MYO9B: variants seen among roughly 807,000 people sequenced by gnomAD.
MYO9B encodes the protein unconventional myosin-IXb.
A neutral mutation model predicts 229.5 loss-of-function variants in MYO9B; 71 were observed. The ratio of observed to expected loss-of-function variants is 0.31; its 90% CI spans 0.26 to 0.38. MYO9B has a LOEUF of 0.38. Among genes scored for constraint, MYO9B ranks in the 10% least tolerant of loss-of-function variants. MYO9B has a pLI of 1.00. For missense variants in MYO9B, 2,255 were observed against 2,920.5 expected, an observed-to-expected ratio of 0.77 and a Z score of 5.25; for synonymous variants, 1,185 against 1,235.8, an observed-to-expected ratio of 0.96 and a Z score of 0.86.
chr19:17,208,861 A>C (rs908193244), intron 35 of MYO9B, among the ~76,000 whole-genome samples: 3 of 151,600 alleles, frequency 2.0e-5, no homozygotes, highest in Non-Finnish European at 2.9e-5. Flanking sequence ...TGACCACTCC[A>C]GACTGAGTCC....
At chr19:17,124,494 G>A (rs1019516479) in intron 2 of MYO9B, among the ~76,000 whole-genome samples, 1 of 152,100 alleles carries the variant, frequency 6.6e-6, no homozygotes, top group Admixed American at 6.6e-5. Flanking sequence ...AAACACAGCT[G>A]GGCGTGGGGG....
At chr19:17,210,047 T>C (rs549141306) in intron 36 of MYO9B, among the ~76,000 whole-genome samples, 1 of 152,266 alleles carries the variant, frequency 6.6e-6, no homozygotes, top group East Asian at 1.9e-4. Context: ...ACTCCAATTA[T>C]GTTCCTCTAG....
At chr19:17,163,934 T>C (rs1224850728) in intron 10 of MYO9B, among the ~76,000 whole-genome samples, 2 of 152,234 alleles carry the variant, frequency 1.3e-5, no homozygotes, top group African/African-American at 4.8e-5. Flanking sequence ...AATGCTTCTT[T>C]GAACATGGGT....
In MYO9B at chr19:17,172,130, G is replaced by A. The variant is rs1324896662; in HGVS notation, c.1794-206G>A. 6.6e-6 allele frequency among the ~76,000 whole-genome samples: 1 copy of A among 151,818 alleles called. No homozygotes were observed. The highest frequency in any genetic ancestry group is 1.9e-4 in the East Asian group (1 of 5,168). ...GTCCCAGCCCTCTGCCAGCATGTTC[G>A]GCATGAGGCAGGCAGGCGCACTGTC... On this transcript the variant is annotated intron_variant, in intron 11 of 39. Transcript: ENST00000682292. The surrounding 1 kb of genome is among the most constrained non-coding windows in gnomAD (Gnocchi z 8.2).
At chr19:17,183,577 C>A (rs1394843197) in intron 15 of MYO9B, among the ~76,000 whole-genome samples, 1 of 152,212 alleles carries the variant, frequency 6.6e-6, no homozygotes, top group Non-Finnish European at 1.5e-5. Context: ...CTTTACTCAG[C>A]TTTGGGGCAG....
rs1273406367 is a variant in MYO9B, at chr19:17,200,476, T to G, written c.4372+50T>G. ...CAGACAGTAGAGCCACCAGTGCCCC[T>G]GGGGACATTCACTGTCCCCAAACGG... On this transcript the variant is annotated intron_variant, in intron 25 of 39. Transcript: ENST00000682292. 6 of 1,537,032 alleles carry G rather than the reference T, an allele frequency of 3.9e-6. No individual in the cohort carries two copies. The Admixed American group carries it at 1.1e-4, about 27-fold the overall frequency.
At chr19:17,158,581 C>A (rs1343527890) in intron 7 of MYO9B, among the ~76,000 whole-genome samples, 2 of 150,350 alleles carry the variant, frequency 1.3e-5, no homozygotes, top group East Asian at 2.0e-4. Context: ...AGCAACAGAG[C>A]AAGACTCCAT....
chr19:17,210,978 T>C (rs2073221402), intron 38 of MYO9B, 130 bp downstream of exon 38: 10 of 102,694 alleles, frequency 9.7e-5, no homozygotes, highest in South Asian at 2.0e-4. Context: ...CAAACAACAC[T>C]TTTTTTTTTT....
At position 17,202,809 on chromosome 19, in the gene MYO9B, C is replaced by G. The variant is rs557232784; in HGVS notation, c.4837-33C>G. 37 of 1,566,322 alleles carry G rather than the reference C, an allele frequency of 2.4e-5. 2 individuals are homozygous for G. Among genetic ancestry groups the G allele is most frequent in the South Asian group, 2.2e-4 (19 of 85,366 alleles). On this transcript the variant is annotated intron_variant, in intron 28 of 39. Transcript: ENST00000682292. The stretch of plus-strand genomic sequence containing the variant: ...TGGGTTGGGGCTCTTCCCAGGGGGG[C>G]CCCCGCCAACCTCCTCCTTGTGTTC...
chr19:17,142,936 G>C (rs937689928), intron 2 of MYO9B, among the ~76,000 whole-genome samples: 1 of 152,136 alleles, frequency 6.6e-6, no homozygotes, highest in Non-Finnish European at 1.5e-5. Context: ...TTTAATGTCA[G>C]AGACTTAAAA....
chr19:17,096,705 GGTT>G (rs1428132474), intron 1 of MYO9B, among the ~76,000 whole-genome samples: 2 of 24,432 alleles, frequency 8.2e-5, no homozygotes, highest in Non-Finnish European at 1.5e-4. Context: ...TGTTGTTGTT[GGTT>G]TTTTTTTTTT....
At chr19:17,076,632 C>G (rs550001175) in intron 1 of MYO9B, among the ~76,000 whole-genome samples, 1 of 152,170 alleles carries the variant, frequency 6.6e-6, no homozygotes, top group East Asian at 1.9e-4. Context: ...TCACACTTAA[C>G]AGCTGGGTGA....
chr19:17,205,432 T>C (rs970118760), intron 31 of MYO9B, 96 bp downstream of exon 31: 16 of 1,236,796 alleles, frequency 1.3e-5, no homozygotes, highest in Admixed American at 7.2e-5. Context: ...AAGCGAAGCA[T>C]TGAGCAGCCA....
chr19:17,143,102 G>A (rs532832014), intron 2 of MYO9B, among the ~76,000 whole-genome samples: 1 of 152,042 alleles, frequency 6.6e-6, no homozygotes, highest in East Asian at 1.9e-4. Context: ...AGCCAGGCGT[G>A]GTGGTGCACA....
rs185186753 is a variant in MYO9B at position 17,140,539 on chromosome 19, A to C, written c.841-4858A>C. Among the ~76,000 whole-genome samples the C allele has an allele frequency of 6.6e-5, 10 of 151,604 alleles. No individual in the cohort carries two copies. The East Asian group carries it at 2.0e-3, about 30-fold the overall frequency. On this transcript the variant is annotated intron_variant, in intron 2 of 39. Coordinates refer to ENST00000682292, the MANE Select transcript of MYO9B (RefSeq NM_004145.4). ...AGTTCACTCTTATTGCCCAGGCTGGAGTGCAATGGCACGATCTCGGCTCAC... is the reference window on the plus strand; with the variant it reads ...AGTTCACTCTTATTGCCCAGGCTGGCGTGCAATGGCACGATCTCGGCTCAC...
chr19:17,076,103 G>A (rs190942243), intron 1 of MYO9B, among the ~76,000 whole-genome samples: 26 of 151,844 alleles, frequency 1.7e-4, no homozygotes, highest in East Asian at 1.4e-3. Context: ...GAGGGCGTGG[G>A]GGGGGTGAGT....
intron 6 of MYO9B, among the ~76,000 whole-genome samples, chr19:17,155,375 T>C (rs2072525794): frequency 6.6e-6 from 1 of 151,896 alleles, no homozygotes; most frequent in Admixed American, 6.6e-5. Flanking sequence ...GAGATGGGGT[T>C]TCCTCATGTT....
At chr19:17,118,524 C>T (rs1422454061) in intron 2 of MYO9B, among the ~76,000 whole-genome samples, 1 of 151,838 alleles carries the variant, frequency 6.6e-6, no homozygotes, top group African/African-American at 2.4e-5. Context: ...CTCTGTCACC[C>T]AGGCTGGAGT....
intron 6 of MYO9B, 54 bp downstream of exon 6, chr19:17,154,469 T>A (rs1285600415): frequency 7.2e-7 from 1 of 1,397,554 alleles, no homozygotes; most frequent in Non-Finnish European, 1.0e-6. Flanking sequence ...GGGGCACGCA[T>A]GGCCCTTACC....
Sources: allele counts gnomAD v4.1 joint callset (sites outside exome capture counted in the v4.1 genomes callset), GRCh38; gene constraint gnomAD v4.1.1; non-coding constraint Gnocchi (gnomAD v3.1); transcripts MANE v1.5; gene names NCBI Gene and HGNC (gene_info 2026-07-23, HGNC 2026-07-21).